Variants in MBP observed in about 807,000 individuals in gnomAD.
MBP encodes the protein Golli-MBP.
In MBP, 16 loss-of-function variants were observed where a neutral mutation model predicts 35.8. The ratio of observed to expected loss-of-function variants is 0.45; its 90% CI spans 0.30 to 0.68. MBP has a LOEUF of 0.68. Among genes scored for constraint, MBP ranks in the 30% least tolerant of loss-of-function variants. MBP has a pLI of 0.08. For missense variants in MBP, 380 were observed against 404.7 expected, an observed-to-expected ratio of 0.94 and a Z score of 0.52; for synonymous variants, 143 against 159.6, an observed-to-expected ratio of 0.90 and a Z score of 0.78.
chr18:77,060,468 T>TTTTTTTTA lies in MBP; in HGVS notation c.139+5829_139+5830insTAAAAAAA, dbSNP rs11422817. 1.5e-3 allele frequency among the ~76,000 whole-genome samples: 205 copies of TTTTTTTTA among 133,000 alleles called. 13 individuals are homozygous for TTTTTTTTA. Among genetic ancestry groups the TTTTTTTTA allele is most frequent in the African/African-American group, 6.0e-3 (173 of 29,068 alleles). 87.3% of individuals were successfully genotyped at this position (133,000 alleles called of 152,430 possible). A position where few individuals can be genotyped will look rare whatever the true frequency, so the allele number is the denominator to read the frequency against. ...CTCTCCTTTTTTTTTTTTTTTTTTT[T>TTTTTTTTA]ATGAGGCGGAGTTTTGCTCTTGTTG... On this transcript the variant is annotated intron_variant, in intron 3 of 8. Coordinates refer to ENST00000355994, the MANE Select transcript of MBP (RefSeq NM_001025101.2).
At chr18:77,091,795 A>T (rs1975537989) in intron 2 of MBP, among the ~76,000 whole-genome samples, 1 of 152,076 alleles carries the variant, frequency 6.6e-6, no homozygotes. Context: ...ACATCCTCAT[A>T]CATGTATACA....
intron 2 of MBP, among the ~76,000 whole-genome samples, chr18:77,088,718 A>T (rs531657972): frequency 2.8e-4 from 43 of 152,304 alleles, no homozygotes; most frequent in African/African-American, 9.9e-4. Flanking sequence ...TTTTTTTTGA[A>T]TAAAACTTTA....
At chr18:77,027,885 T>TG (rs1158113581) in intron 3 of MBP, among the ~76,000 whole-genome samples, 1 of 152,200 alleles carries the variant, frequency 6.6e-6, no homozygotes, top group Non-Finnish European at 1.5e-5. Context: ...GACAAGGTCT[T>TG]GCTGTGTTGC....
chr18:76,985,685 C>T (rs1969514284), intron 7 of MBP: 19 of 1,039,076 alleles, frequency 1.8e-5, no homozygotes, highest in Non-Finnish European at 2.2e-5. Flanking sequence ...CCTCCCAGTC[C>T]CCTAGCACCT....
At chr18:76,990,314 G>A (rs1176475662) in intron 4 of MBP, among the ~76,000 whole-genome samples, 1 of 152,120 alleles carries the variant, frequency 6.6e-6, no homozygotes, top group African/African-American at 2.4e-5. Flanking sequence ...GATGGGGTTG[G>A]GAGGTGAAGA....
chr18:77,113,691 A>AC (rs1976552233), intron 1 of MBP: 1 of 152,574 alleles, frequency 6.6e-6, no homozygotes, highest in African/African-American at 2.4e-5. Flanking sequence ...GCATGAAGTG[A>AC]CCTAATAGAA....
Position 76,989,136 on chromosome 18 carries a change from G to C in MBP, c.682-224C>G. On this transcript the variant is annotated intron_variant, in intron 5 of 8. Transcript: ENST00000355994. This position sits in a 1 kb window ranked among gnomAD's most constrained non-coding sequence, Gnocchi z 4.0. ...CCCAGAGCACTCAGGAAGTGTTTCA[G>C]AGGATGGAAAACACCTCCCAGAGGC... The C allele has an allele frequency of 1.4e-6, 1 of 689,996 alleles. No homozygotes were observed. Among genetic ancestry groups the C allele is most frequent in the Non-Finnish European group, 2.6e-6 (1 of 377,812 alleles). The allele number at this position is 689,996 out of a possible 1,614,324, so 42.7% of individuals were successfully genotyped here. A position where few individuals can be genotyped will look rare whatever the true frequency, so the allele number is the denominator to read the frequency against.
intron 3 of MBP, among the ~76,000 whole-genome samples, chr18:77,053,342 C>G (rs1327811395): frequency 6.6e-6 from 1 of 152,246 alleles, no homozygotes; most frequent in Non-Finnish European, 1.5e-5. Flanking sequence ...TCAGCTGGGT[C>G]GGGACTGAGC....
At chr18:77,095,170 C>T (rs1221142559) in intron 2 of MBP, among the ~76,000 whole-genome samples, 1 of 152,174 alleles carries the variant, frequency 6.6e-6, no homozygotes, top group Admixed American at 6.5e-5. Context: ...AGATAAGGTA[C>T]AGTAAAAAGC....
rs1452080748 is a variant in MBP at position 76,988,210 on chromosome 18, G to A, written c.750+285C>T. 6.5e-7 allele frequency: 1 copy of A among 1,548,164 alleles called. No homozygotes were observed. Among genetic ancestry groups the A allele is most frequent in the Non-Finnish European group, 8.7e-7 (1 of 1,146,948 alleles). ...GTGGTGTTGCTCCCTCCCTGGGAGG[G>A]AGACCAGTCACGTCGCCTGGGAACC... is the stretch of plus-strand genomic sequence containing the variant. On this transcript the variant is annotated intron_variant, in intron 7 of 8. Coordinates refer to ENST00000355994, the MANE Select transcript of MBP (RefSeq NM_001025101.2). This position sits in a 1 kb window ranked among gnomAD's most constrained non-coding sequence, Gnocchi z 5.2.
Position 77,044,326 on chromosome 18 carries a change from C to T in MBP, c.139+21972G>A, listed in dbSNP as rs1266178042. On this transcript the variant is annotated intron_variant, in intron 3 of 8. Coordinates refer to ENST00000355994, the MANE Select transcript of MBP (RefSeq NM_001025101.2). This position sits in a 1 kb window ranked among gnomAD's most constrained non-coding sequence, Gnocchi z 4.4. ...TCCAAACCCCTCTTCAACTGTCCTC[C>T]AAGCTTCAGGTCCACCGTGACCTCC... Among the ~76,000 whole-genome samples the T allele has an allele frequency of 6.6e-6, 1 of 152,146 alleles. No homozygotes were observed. The highest frequency in any genetic ancestry group is 1.5e-5 in the Non-Finnish European group (1 of 68,036).
At chr18:77,034,556 A>G (rs1375300762) in intron 3 of MBP, among the ~76,000 whole-genome samples, 1 of 152,220 alleles carries the variant, frequency 6.6e-6, no homozygotes, top group East Asian at 1.9e-4. Flanking sequence ...CTACACGGCA[A>G]TAGAAAAACA....
chr18:77,030,151 G>A (rs10469088), intron 3 of MBP, among the ~76,000 whole-genome samples: 8 of 148,478 alleles, frequency 5.4e-5, no homozygotes, highest in African/African-American at 1.6e-4. Context: ...TGGGAATCAG[G>A]CAATGGTTAG....
At chr18:77,028,832 A>G (rs866164058) in intron 3 of MBP, among the ~76,000 whole-genome samples, 599 of 46,728 alleles carry the variant, frequency 0.013, 174 homozygotes, top group Non-Finnish European at 0.023. Flanking sequence ...CCGGGCAGAG[A>G]CGCTCCTCAC....
At chr18:77,086,710 A>T (rs550038120) in intron 2 of MBP, among the ~76,000 whole-genome samples, 1 of 152,386 alleles carries the variant, frequency 6.6e-6, no homozygotes, top group East Asian at 1.9e-4. Context: ...AATGCACATT[A>T]TTACAAGCTC....
At chr18:77,092,448 G>A (rs974651052) in intron 2 of MBP, among the ~76,000 whole-genome samples, 2 of 152,218 alleles carry the variant, frequency 1.3e-5, no homozygotes, top group Admixed American at 1.3e-4. Context: ...TCAGCACCGC[G>A]CTCTCCAGAT....
intron 1 of MBP, among the ~76,000 whole-genome samples, chr18:77,119,180 G>A (rs1976809630): frequency 6.6e-6 from 1 of 152,160 alleles, no homozygotes; most frequent in African/African-American, 2.4e-5. Flanking sequence ...AGAACAGGCA[G>A]GGGCTTGGGG....
intron 1 of MBP, among the ~76,000 whole-genome samples, chr18:77,123,791 C>G (rs1158325136): frequency 6.6e-6 from 1 of 152,182 alleles, no homozygotes. Context: ...GCAATTCTGT[C>G]CCTGCTAGGA....
At chr18:77,072,526 A>G (rs1195447310) in intron 2 of MBP, among the ~76,000 whole-genome samples, 1 of 152,244 alleles carries the variant, frequency 6.6e-6, no homozygotes, top group Non-Finnish European at 1.5e-5. Flanking sequence ...TAAAATGAAC[A>G]TTATAATCAT....
Sources: allele counts gnomAD v4.1 joint callset (sites outside exome capture counted in the v4.1 genomes callset), GRCh38; gene constraint gnomAD v4.1.1; non-coding constraint Gnocchi (gnomAD v3.1); transcripts MANE v1.5; gene names NCBI Gene and HGNC (gene_info 2026-07-23, HGNC 2026-07-21).